Variants in CDH13 observed in about 807,000 individuals in gnomAD.
The protein encoded by CDH13 is cadherin-13.
CDH13 carries 24 observed loss-of-function variants against 63.8 expected under a neutral mutation model. The observed-to-expected ratio is 0.38, with a 90% confidence interval of 0.27 to 0.53. The LOEUF (loss-of-function observed/expected upper bound fraction) is 0.53. Among genes scored for constraint, CDH13 ranks in the 20% least tolerant of loss-of-function variants. CDH13 has a pLI of 0.85. For synonymous variants in CDH13, 503 were observed against 355.3 expected (o/e 1.42, Z -4.67); for missense variants, 1,049 against 903.1 (o/e 1.16, Z -2.07).
At chr16:82,666,424 C>T (rs115841064) in intron 1 of CDH13, among the ~76,000 whole-genome samples, 107 of 152,272 alleles carry the variant, frequency 7.0e-4, no homozygotes, top group African/African-American at 2.5e-3. Context: ...AATGGATGAC[C>T]ATACACTGTG....
chr16:83,680,615 GAGA>G (rs1326251586), intron 10 of CDH13, among the ~76,000 whole-genome samples: 4 of 152,186 alleles, frequency 2.6e-5, no homozygotes, highest in African/African-American at 7.2e-5. Context: ...CGCTGTGTGA[GAGA>G]AGAAGGAGGT....
chr16:82,689,688 A>G (rs537719471), intron 1 of CDH13, among the ~76,000 whole-genome samples: 3 of 152,208 alleles, frequency 2.0e-5, no homozygotes, highest in African/African-American at 7.2e-5. Flanking sequence ...CGTTTCTGTA[A>G]AGTATTGTAA....
intron 1 of CDH13, among the ~76,000 whole-genome samples, chr16:82,741,505 C>G (rs746691300): frequency 6.6e-6 from 1 of 152,200 alleles, no homozygotes; most frequent in Admixed American, 6.5e-5. Context: ...GTCATTCATG[C>G]GCCTTTTGCT....
At chr16:82,784,693 ACTCT>A (rs368930406) in intron 1 of CDH13, among the ~76,000 whole-genome samples, 31 of 152,222 alleles carry the variant, frequency 2.0e-4, no homozygotes, top group East Asian at 1.2e-3. Context: ...AGAGCTGGTA[ACTCT>A]CTCTATGGTG....
At chr16:82,642,615 A>G (rs1368168741) in intron 1 of CDH13, among the ~76,000 whole-genome samples, 1 of 152,200 alleles carries the variant, frequency 6.6e-6, no homozygotes, top group Non-Finnish European at 1.5e-5. Flanking sequence ...GCATTACGTA[A>G]GGCAAGACCT....
Position 82,905,865 on chromosome 16 carries a change from G to A in CDH13, c.157+47392G>A, listed in dbSNP as rs556301166. Among the ~76,000 whole-genome samples, 62 of 152,248 alleles carry A rather than the reference G, an allele frequency of 4.1e-4. 1 individual carries two copies. The highest frequency in any genetic ancestry group is 1.4e-3 in the African/African-American group (60 of 41,540). On this transcript the variant is annotated intron_variant, in intron 2 of 13. Coordinates refer to ENST00000567109, the MANE Select transcript of CDH13 (RefSeq NM_001257.5). Reference sequence around the variant, plus strand: ...TTCAAATGCTTAGTAACCACACATGGCTACTGGCTACAGCATTGTACAGTG... The same window carrying A: ...TTCAAATGCTTAGTAACCACACATGACTACTGGCTACAGCATTGTACAGTG...
At chr16:83,178,353 C>T (rs965194042) in intron 4 of CDH13, among the ~76,000 whole-genome samples, 3 of 152,160 alleles carry the variant, frequency 2.0e-5, no homozygotes, top group African/African-American at 4.8e-5. Flanking sequence ...ACTCCCCCGC[C>T]GCACCCCAGT....
chr16:83,509,571 G>A (rs1049487466), intron 7 of CDH13, among the ~76,000 whole-genome samples: 1 of 152,166 alleles, frequency 6.6e-6, no homozygotes, highest in Non-Finnish European at 1.5e-5. Context: ...GTGGTTTGCT[G>A]ACCTCTGATT....
At chr16:83,030,657 A>T (rs1440358119) in intron 2 of CDH13, among the ~76,000 whole-genome samples, 1 of 150,906 alleles carries the variant, frequency 6.6e-6, no homozygotes, top group Non-Finnish European at 1.5e-5. Context: ...AAAAAAAAAA[A>T]AAAAAAGCAC....
At chr16:83,088,540 A>G (rs1371318905) in intron 3 of CDH13, among the ~76,000 whole-genome samples, 3 of 152,178 alleles carry the variant, frequency 2.0e-5, no homozygotes, top group Non-Finnish European at 4.4e-5. Context: ...TTTCTGATAC[A>G]GCCTTGGGCA....
intron 5 of CDH13, among the ~76,000 whole-genome samples, chr16:83,334,196 T>C (rs1218704057): frequency 6.6e-6 from 1 of 152,020 alleles, no homozygotes; most frequent in Admixed American, 6.6e-5. Flanking sequence ...GACTCATGAT[T>C]ATATTGGGCC....
intron 10 of CDH13, among the ~76,000 whole-genome samples, chr16:83,738,300 A>C (rs1016076948): frequency 6.6e-6 from 1 of 152,252 alleles, no homozygotes; most frequent in African/African-American, 2.4e-5. Flanking sequence ...TGTTTATTCC[A>C]AATGAGCGAG....
chr16:83,091,309 T>C (rs1291878913), intron 3 of CDH13, among the ~76,000 whole-genome samples: 1 of 152,162 alleles, frequency 6.6e-6, no homozygotes, highest in Non-Finnish European at 1.5e-5. Flanking sequence ...AACCATCTAC[T>C]TTATGTTGAA....
At chr16:83,665,275 G>C (rs552372017) in intron 8 of CDH13, among the ~76,000 whole-genome samples, 6 of 152,180 alleles carry the variant, frequency 3.9e-5, no homozygotes, top group Non-Finnish European at 8.8e-5. Flanking sequence ...AGTCACAGGG[G>C]TTTAAACCAA....
chr16:83,436,166 A>C (rs1407328647), intron 6 of CDH13, among the ~76,000 whole-genome samples: 1 of 152,200 alleles, frequency 6.6e-6, no homozygotes, highest in Non-Finnish European at 1.5e-5. Flanking sequence ...TGCTCTAGAA[A>C]CTGCCAAAGA....
At chr16:82,970,249 G>C (rs938720015) in intron 2 of CDH13, among the ~76,000 whole-genome samples, 2 of 152,140 alleles carry the variant, frequency 1.3e-5, no homozygotes, top group Admixed American at 6.5e-5. Context: ...TCCTGCAAAA[G>C]ACAGGAACTC....
At chr16:83,337,118 A>G (rs2090615276) in intron 5 of CDH13, among the ~76,000 whole-genome samples, 1 of 152,212 alleles carries the variant, frequency 6.6e-6, no homozygotes, top group African/African-American at 2.4e-5. Context: ...TTCTTTTCAA[A>G]GCATTTTACG....
chr16:83,252,765 C>T (rs780234730), intron 5 of CDH13, among the ~76,000 whole-genome samples: 1 of 152,040 alleles, frequency 6.6e-6, no homozygotes, highest in Admixed American at 6.6e-5. Context: ...GAATGCTGCT[C>T]AGTATCCTAC....
chr16:83,274,365 T>C (rs1169457277), intron 5 of CDH13, among the ~76,000 whole-genome samples: 1 of 152,148 alleles, frequency 6.6e-6, no homozygotes, highest in East Asian at 1.9e-4. Flanking sequence ...TCTCTCTGTT[T>C]ATAATGTTCT....
Sources: gnomAD v4.1 joint callset for allele counts (sites outside exome capture counted in the v4.1 genomes callset) on GRCh38, gnomAD v4.1.1 for gene constraint, MANE v1.5 for transcripts, NCBI Gene and HGNC (gene_info 2026-07-23, HGNC 2026-07-21) for gene names.